CHRDL2: variants seen among roughly 807,000 people sequenced by gnomAD.
The protein encoded by CHRDL2 is chordin like 2, also known as chordin-like protein 2.
Under a neutral mutation model 54.3 loss-of-function variants are expected in CHRDL2, and 41 were observed. That is an observed-to-expected ratio of 0.76 (90% CI 0.59 to 0.98). The LOEUF (loss-of-function observed/expected upper bound fraction) is 0.98, where lower values mean the gene tolerates loss of function less well. Among genes scored for constraint, CHRDL2 ranks in the 50% least tolerant of loss-of-function variants. The pLI, the probability that CHRDL2 is intolerant of heterozygous loss-of-function variation, is 0.00. For synonymous variants in CHRDL2, 220 were observed against 224.3 expected, an observed-to-expected ratio of 0.98 and a Z score of 0.17; for missense variants, 518 against 562.4, an observed-to-expected ratio of 0.92 and a Z score of 0.80.
chr11:74,719,318 A>G, intron 1 of CHRDL2: 1 of 159,352 alleles, frequency 6.3e-6, no homozygotes, highest in Non-Finnish European at 1.4e-5. Flanking sequence ...TGGCTTATTT[A>G]GTACATCACC....
intron 9 of CHRDL2, among the ~76,000 whole-genome samples, chr11:74,701,933 G>A (rs1162124815): frequency 1.3e-5 from 2 of 152,090 alleles, no homozygotes; most frequent in Non-Finnish European, 2.9e-5. Flanking sequence ...GAAAGGCCAC[G>A]AAACTGAACT....
chr11:74,725,240 C>A (rs1186156280), intron 1 of CHRDL2, among the ~76,000 whole-genome samples: 4 of 152,350 alleles, frequency 2.6e-5, no homozygotes, highest in Non-Finnish European at 2.9e-5. Context: ...ATCCACCCGC[C>A]AGGGCCTCCC....
intron 1 of CHRDL2, among the ~76,000 whole-genome samples, chr11:74,721,447 C>A (rs149484772): frequency 2.3e-3 from 349 of 152,338 alleles, no homozygotes; most frequent in Admixed American, 6.0e-3. Flanking sequence ...CTTCCCCCCA[C>A]CAACAGACCT....
chr11:74,720,320 C>T (rs541505753), intron 1 of CHRDL2: 7 of 154,172 alleles, frequency 4.5e-5, no homozygotes, highest in Admixed American at 2.6e-4. Flanking sequence ...TGACAGTATC[C>T]GTCTTGCAGT....
At position 74,730,817 on chromosome 11, in the gene CHRDL2, G is replaced by T. The variant is rs780739395; in HGVS notation, c.72C>A (p.His24Gln). 5.6e-6 allele frequency: 9 copies of T among 1,611,624 alleles called. No individual in the cohort carries two copies. The highest frequency in any genetic ancestry group is 8.5e-7 in the Non-Finnish European group (1 of 1,179,276). ...LALLWFPLDS[H>Q]ARARPDMFCL... is the part of the protein sequence containing the mutation. Reference sequence around the variant, plus strand: ...TCCCGGTCTACTTACGGGCTCGAGCGTGGGAGTCCAGGGGGAACCAGAGCA... The same window carrying T: ...TCCCGGTCTACTTACGGGCTCGAGCTTGGGAGTCCAGGGGGAACCAGAGCA... Residue 24 changes from histidine (H) to glutamine (Q), a missense_variant, in exon 1 of 11, where the codon CAC becomes CAA. Physicochemically the swap from His to Gln is conservative, Grantham distance 24. Transcript: ENST00000376332.
At chr11:74,727,338 G>A (rs1233510496) in intron 1 of CHRDL2, among the ~76,000 whole-genome samples, 3 of 152,082 alleles carry the variant, frequency 2.0e-5, no homozygotes, top group Non-Finnish European at 4.4e-5. Context: ...TCTAGGGTCC[G>A]GAATTCATCA....
chr11:74,696,442 A>G lies in CHRDL2; in HGVS notation c.*67T>C. The G allele has an allele frequency of 7.6e-7, 1 of 1,322,984 alleles. No individual in the cohort carries two copies. The highest frequency in any genetic ancestry group is 1.1e-6 in the Non-Finnish European group (1 of 929,478). The allele number at this position is 1,322,984 out of a possible 1,614,324, so 82.0% of individuals were successfully genotyped here. On this transcript the variant is annotated 3_prime_UTR_variant, in exon 11 of 11. Transcript: ENST00000376332. ...AGAAGGCAGGGCTGAGGGTAATGCAACTTCTTATTTATTAATATATAATAA... is the reference window on the plus strand; with the variant it reads ...AGAAGGCAGGGCTGAGGGTAATGCAGCTTCTTATTTATTAATATATAATAA...
intron 1 of CHRDL2, among the ~76,000 whole-genome samples, chr11:74,728,528 T>TTGTTGTTG (rs1554988421): frequency 3.3e-5 from 5 of 150,598 alleles, no homozygotes; most frequent in Admixed American, 6.6e-5. Context: ...TGTTCTGTTT[T>TTGTTGTTG]TTGTTGTTGT....
In CHRDL2 at chr11:74,706,509, C is replaced by A. The variant is rs781669188; in HGVS notation, c.560G>T (p.Ser187Ile). ...CACCACCCCATGGAGCGACTGCACA[C>A]TGTCCTCTTCATCCGATTGCTCACT... is the stretch of plus-strand genomic sequence containing the variant. ...EASEQSDEED[S>I]VQSLHGVRHP... is the part of the protein sequence containing the mutation. The change falls in exon 6 of 11, where the codon AGT becomes ATT. Residue 187 changes from serine (S) to isoleucine (I), a missense_variant. Physicochemically the swap from Ser to Ile is moderately radical, Grantham distance 142. Coordinates refer to ENST00000376332, the MANE Select transcript of CHRDL2 (RefSeq NM_001278473.3). 1.1e-5 allele frequency: 17 copies of A among 1,614,136 alleles called. No homozygotes were observed. The highest frequency in any genetic ancestry group is 1.4e-5 in the Non-Finnish European group (17 of 1,179,982).
At chr11:74,721,336 A>G (rs963738786) in intron 1 of CHRDL2, among the ~76,000 whole-genome samples, 2 of 152,208 alleles carry the variant, frequency 1.3e-5, no homozygotes, top group Admixed American at 1.3e-4. Flanking sequence ...GCAGCCCTGT[A>G]GCCCAGGTCT....
At chr11:74,715,020 C>A (rs2034305004) in intron 2 of CHRDL2, among the ~76,000 whole-genome samples, 1 of 152,118 alleles carries the variant, frequency 6.6e-6, no homozygotes, top group Admixed American at 6.6e-5. Context: ...TTCTCAACAC[C>A]CCTAGAGGTA....
At chr11:74,729,989 G>T (rs1415403995) in intron 1 of CHRDL2, among the ~76,000 whole-genome samples, 1 of 152,192 alleles carries the variant, frequency 6.6e-6, no homozygotes, top group East Asian at 1.9e-4. Context: ...TCAAGCACCA[G>T]TCTTGTGCTA....
At chr11:74,723,404 C>G (rs2034526680) in intron 1 of CHRDL2, among the ~76,000 whole-genome samples, 1 of 152,154 alleles carries the variant, frequency 6.6e-6, no homozygotes, top group Admixed American at 6.5e-5. Context: ...GTACTGAACC[C>G]TACATAGACC....
chr11:74,704,068 C>T (rs565293010), intron 7 of CHRDL2, among the ~76,000 whole-genome samples: 6 of 152,214 alleles, frequency 3.9e-5, no homozygotes, highest in Non-Finnish European at 8.8e-5. Context: ...AAAAACTGTC[C>T]CTCAGCACAC....
intron 2 of CHRDL2, among the ~76,000 whole-genome samples, chr11:74,717,966 A>T (rs1438740308): frequency 1.3e-5 from 2 of 152,152 alleles, no homozygotes; most frequent in Non-Finnish European, 2.9e-5. Flanking sequence ...TCTGGACCAC[A>T]TGGGGGTCTC....
At chr11:74,718,616 T>C in intron 2 of CHRDL2, 104 bp downstream of exon 2, 1 of 738,868 alleles carries the variant, frequency 1.4e-6, no homozygotes, top group South Asian at 1.7e-5. Context: ...CAGCTGCCGC[T>C]GACAGCACAG....
intron 9 of CHRDL2, chr11:74,699,714 C>T (rs2033737053): frequency 6.6e-6 from 1 of 152,320 alleles, no homozygotes; most frequent in South Asian, 2.1e-4. Flanking sequence ...GGGCTGGCCC[C>T]TCGTGGTGTG....
chr11:74,703,241 TG>T, intron 8 of CHRDL2, 63 bp downstream of exon 8: 1 of 1,515,378 alleles, frequency 6.6e-7, no homozygotes, highest in Non-Finnish European at 8.9e-7. Flanking sequence ...TCTGTGGCCC[TG>T]GGGAGAGAGA....
chr11:74,703,585 T>C, intron 7 of CHRDL2, 86 bp from the exon 8 acceptor site: 1 of 1,233,106 alleles, frequency 8.1e-7, no homozygotes, highest in Non-Finnish European at 1.1e-6. Flanking sequence ...GGGTGGGCCC[T>C]TGGGGAGCCC....
Sources: allele counts gnomAD v4.1 joint callset (sites outside exome capture counted in the v4.1 genomes callset), GRCh38; gene constraint gnomAD v4.1.1; transcripts MANE v1.5; gene names NCBI Gene and HGNC (gene_info 2026-07-23, HGNC 2026-07-21).